The following BCL7C variants were observed in gnomAD, a reference collection of about 807,000 sequenced individuals.
The protein encoded by BCL7C is B-cell CLL/lymphoma 7 protein family member C.
BCL7C carries 8 observed loss-of-function variants against 26.2 expected under a neutral mutation model. The ratio of observed to expected loss-of-function variants is 0.30; its 90% CI spans 0.18 to 0.55. The LOEUF is 0.55. BCL7C is among the 20% of genes least tolerant of loss of function. The pLI, the probability that BCL7C is intolerant of heterozygous loss-of-function variation, is 0.93. For missense variants in BCL7C, 262 were observed against 298.5 expected, an observed-to-expected ratio of 0.88 and a Z score of 0.90; for synonymous variants, 90 against 116.5, an observed-to-expected ratio of 0.77 and a Z score of 1.47.
At chr16:30,865,349 C>T (rs946923287) in intron 5 of BCL7C, among the ~76,000 whole-genome samples, 2 of 152,046 alleles carry the variant, frequency 1.3e-5, no homozygotes, top group African/African-American at 4.8e-5. Context: ...GTTGCTCACA[C>T]AAAGCCTGTT....
At chr16:30,856,884 A>C (rs2054726991) in intron 5 of BCL7C, among the ~76,000 whole-genome samples, 1 of 152,168 alleles carries the variant, frequency 6.6e-6, no homozygotes, top group African/African-American at 2.4e-5. Flanking sequence ...ATTCCTAAGA[A>C]TATGTCAGAG....
rs913124775 is a variant in BCL7C, at chr16:30,834,577, G to A, written c.*371C>T. ...TCAGTGCCGGCAGGACTCGGGACTC[G>A]GCGCCTCTCCCGGGGTGGCAGGCGC... On this transcript the variant is annotated 3_prime_UTR_variant, in exon 6 of 6. Coordinates refer to the BCL7C transcript ENST00000380317. The surrounding 1 kb of genome is among the most constrained non-coding windows in gnomAD (Gnocchi z 4.3). The A allele has an allele frequency of 1.8e-5, 3 of 162,806 alleles. No individual in the cohort carries two copies. Among genetic ancestry groups the A allele is most frequent in the Non-Finnish European group, 4.0e-5 (3 of 75,368 alleles). 10.1% of individuals were successfully genotyped at this position (162,806 alleles called of 1,614,324 possible).
intron 5 of BCL7C, among the ~76,000 whole-genome samples, chr16:30,852,637 G>A (rs972876615): frequency 5.3e-5 from 8 of 151,462 alleles, no homozygotes; most frequent in South Asian, 4.2e-4. Flanking sequence ...GATTACAGGC[G>A]CATGCCACCA....
At chr16:30,844,346 C>CACCAGGCTGGAGTGCATTGG (rs2054620845) in intron 5 of BCL7C, among the ~76,000 whole-genome samples, 1 of 28,524 alleles carries the variant, frequency 3.5e-5, no homozygotes, top group African/African-American at 1.3e-4. Context: ...GAGACTCCGT[C>CACCAGGCTGGAGTGCATTGG]TCAAAAAAAA....
At chr16:30,856,463 G>C (rs1425126873) in intron 5 of BCL7C, among the ~76,000 whole-genome samples, 3 of 142,434 alleles carry the variant, frequency 2.1e-5, no homozygotes, top group Admixed American at 7.2e-5. Flanking sequence ...AAAAAAAAGT[G>C]TGGCAGCTCT....
At chr16:30,872,468 G>A (rs115071233) in intron 5 of BCL7C, among the ~76,000 whole-genome samples, 1,870 of 152,250 alleles carry the variant, frequency 0.012, 48 homozygotes, top group African/African-American at 0.043. Context: ...CCACCAGCAC[G>A]CACGTTCACA....
chr16:30,892,270 CAAAAAAAAAAAAA>C (rs55772061), intron 4 of BCL7C, among the ~76,000 whole-genome samples: 2 of 44,490 alleles, frequency 4.5e-5, no homozygotes, highest in African/African-American at 2.1e-4. Flanking sequence ...GACCCTTTCT[CAAAAAAAAAAAAA>C]AAAAAAAAAA....
At chr16:30,848,544 A>G (rs1329435652) in intron 5 of BCL7C, among the ~76,000 whole-genome samples, 3 of 152,142 alleles carry the variant, frequency 2.0e-5, no homozygotes, top group Admixed American at 6.6e-5. Context: ...GTGTACTCCA[A>G]TATTTCTTGG....
At chr16:30,886,151 A>G (rs1486059048), downstream of BCL7C, among the ~76,000 whole-genome samples, 2 of 152,058 alleles carry the variant, frequency 1.3e-5, no homozygotes, top group African/African-American at 4.8e-5. Context: ...ACAGTTTTTA[A>G]TGCTTCTTTA....
At chr16:30,850,666 T>C (rs192842759) in intron 5 of BCL7C, among the ~76,000 whole-genome samples, 3 of 152,202 alleles carry the variant, frequency 2.0e-5, no homozygotes, top group East Asian at 3.9e-4. Context: ...ACAGTAAAAA[T>C]ACAGCATAAA....
intron 5 of BCL7C, among the ~76,000 whole-genome samples, chr16:30,888,423 G>A (rs2055169930): frequency 1.3e-5 from 2 of 152,054 alleles, no homozygotes; most frequent in South Asian, 2.1e-4. Flanking sequence ...TGCAGCCTCC[G>A]CCTCCCGGGT....
chr16:30,858,341 C>T (rs2054741850), intron 5 of BCL7C, among the ~76,000 whole-genome samples: 1 of 152,178 alleles, frequency 6.6e-6, no homozygotes, highest in African/African-American at 2.4e-5. Flanking sequence ...ATAAATCTTC[C>T]TTCAAGCCTT....
At chr16:30,841,607 CAGTCCCCCT>C (rs1341140329) in intron 5 of BCL7C, among the ~76,000 whole-genome samples, 2 of 152,162 alleles carry the variant, frequency 1.3e-5, no homozygotes, top group Non-Finnish European at 2.9e-5. Flanking sequence ...ACCCGACAAC[CAGTCCCCCT>C]TTCTCGTTAT....
intron 5 of BCL7C, among the ~76,000 whole-genome samples, chr16:30,868,684 C>G (rs1038323029): frequency 1.3e-5 from 2 of 151,658 alleles, no homozygotes; most frequent in African/African-American, 2.4e-5. Context: ...ACTTGGGAGG[C>G]TGAGGCAGGA....
At chr16:30,838,086 G>A (rs768603998) in intron 5 of BCL7C, among the ~76,000 whole-genome samples, 1 of 152,208 alleles carries the variant, frequency 6.6e-6, no homozygotes, top group East Asian at 1.9e-4. Context: ...TGAACAGCCC[G>A]AGGTCTCAAT....
chr16:30,872,408 A>G (rs2054889481), intron 5 of BCL7C, among the ~76,000 whole-genome samples: 1 of 152,126 alleles, frequency 6.6e-6, no homozygotes, highest in African/African-American at 2.4e-5. Flanking sequence ...GTGGGCTTGG[A>G]AAGTGATGCC....
chr16:30,837,452 A>T (rs2054576895), intron 5 of BCL7C, among the ~76,000 whole-genome samples: 1 of 151,954 alleles, frequency 6.6e-6, no homozygotes, highest in African/African-American at 2.4e-5. Context: ...GGTTCAAGTG[A>T]TTCTCCTGCC....
At chr16:30,865,334 G>A (rs918161915) in intron 5 of BCL7C, among the ~76,000 whole-genome samples, 4 of 151,986 alleles carry the variant, frequency 2.6e-5, no homozygotes, top group Admixed American at 1.3e-4. Flanking sequence ...GAAATAAACA[G>A]CCTTGTTGCT....
At chr16:30,888,063 C>T in intron 5 of BCL7C, 73 bp from the exon 6 acceptor site, 1 of 1,483,328 alleles carries the variant, frequency 6.7e-7, no homozygotes, top group African/African-American at 1.5e-5. Context: ...CTGCCTTCTC[C>T]AAAGCCTCCA....
Sources: allele counts gnomAD v4.1 joint callset (sites outside exome capture counted in the v4.1 genomes callset), GRCh38; gene constraint gnomAD v4.1.1; non-coding constraint Gnocchi (gnomAD v3.1); transcripts MANE v1.5; gene names NCBI Gene and HGNC (gene_info 2026-07-23, HGNC 2026-07-21).